The following ATP7B variants were observed in gnomAD, a reference collection of about 807,000 sequenced individuals.
ATP7B encodes copper-transporting ATPase 2.
In ATP7B, 113 loss-of-function variants were observed where a neutral mutation model predicts 118.9. The observed-to-expected ratio is 0.95, with a 90% CI of 0.82 to 1.11. The LOEUF (loss-of-function observed/expected upper bound fraction) is 1.11, where lower values mean the gene tolerates loss of function less well. ATP7B is among the 50% of genes most tolerant of loss of function. The probability of loss-of-function intolerance (pLI) is 0.00; values close to 1 mark genes in which losing one functional copy is unlikely to be tolerated. For synonymous variants in ATP7B, 777 were observed against 727.4 expected, an observed-to-expected ratio of 1.07 and a Z score of -1.10; for missense variants, 1,867 against 1,871.4, an observed-to-expected ratio of 1.00 and a Z score of 0.04.
intron 1 of ATP7B, among the ~76,000 whole-genome samples, chr13:52,004,706 G>C (rs563322400): frequency 2.0e-5 from 3 of 152,174 alleles, no homozygotes; most frequent in African/African-American, 7.2e-5. Flanking sequence ...CACTTACAAA[G>C]TCTTTCCCTC....
In ATP7B at chr13:51,950,354, G is replaced by A. The variant is rs766820642; in HGVS notation, c.2493C>T (p.Val831=). ...GAAACTTTCCCCCAGGGACCACCTT[G>A]ACGATATCGCCCCGCTGCACCAGCT... The part of the protein sequence containing the change: ...PMELVQRGDI[V]KVVPGGKFPV... Residue 831 remains valine (V), a synonymous_variant, in exon 10 of 21, where the codon GTC becomes GTT. Transcript: ENST00000242839. The A allele has an allele frequency of 1.9e-6, 3 of 1,614,134 alleles. No homozygotes were observed. The East Asian group carries it at 6.7e-5, about 36-fold the overall frequency.
chr13:51,992,896 T>G (rs994938494), intron 1 of ATP7B, among the ~76,000 whole-genome samples: 6 of 140,474 alleles, frequency 4.3e-5, no homozygotes, highest in Non-Finnish European at 9.1e-5. Flanking sequence ...GAGAATCACT[T>G]GAACCCAGGA....
At chr13:51,999,931 G>A (rs1210630747) in intron 1 of ATP7B, among the ~76,000 whole-genome samples, 1 of 152,022 alleles carries the variant, frequency 6.6e-6, no homozygotes, top group African/African-American at 2.4e-5. Flanking sequence ...CACTGCCCAA[G>A]GTGACCAGTC....
At chr13:51,964,842 G>A (rs2139765887) in intron 5 of ATP7B, 30 bp downstream of exon 5, 1 of 1,606,382 alleles carries the variant, frequency 6.2e-7, no homozygotes, top group Non-Finnish European at 8.5e-7. Context: ...TTTTAAAAAG[G>A]TGACTACAAT....
rs148211964 is a variant in ATP7B at position 52,008,427 on chromosome 13, T to G, written c.51+2860A>C. On this transcript the variant is annotated intron_variant, in intron 1 of 20. Transcript: ENST00000242839. ...TTGTCCACTGGTGATTGGCACAATC[T>G]CCAGAGGTTGGAGCACGGGGCTGAA... 3.5e-3 allele frequency among the ~76,000 whole-genome samples: 526 copies of G among 152,302 alleles called. 3 individuals are homozygous for G. Among genetic ancestry groups the G allele is most frequent in the African/African-American group, 0.011 (478 of 41,568 alleles).
At chr13:51,939,654 G>C (rs1315299295) in intron 16 of ATP7B, among the ~76,000 whole-genome samples, 1 of 102,166 alleles carries the variant, frequency 9.8e-6, no homozygotes, top group Non-Finnish European at 2.3e-5. Context: ...TTCTCTTTGA[G>C]TGAATCTTAG....
chr13:51,993,066 G>A (rs571370924), intron 1 of ATP7B, among the ~76,000 whole-genome samples: 39 of 149,316 alleles, frequency 2.6e-4, no homozygotes, highest in African/African-American at 9.1e-4. Context: ...AGTAAGAAAT[G>A]CAAAGTATAA....
intron 19 of ATP7B, among the ~76,000 whole-genome samples, chr13:51,936,618 G>C (rs1807284526): frequency 6.6e-6 from 1 of 152,046 alleles, no homozygotes; most frequent in Non-Finnish European, 1.5e-5. Context: ...TCCAACTCCT[G>C]GGCTCAATAA....
upstream of ATP7B, chr13:52,012,087 G>C (rs1954056756): frequency 2.0e-6 from 1 of 506,650 alleles, no homozygotes; most frequent in African/African-American, 1.9e-5. Context: ...GCTTTGGGCC[G>C]GGAACGGGGG....
intron 1 of ATP7B, among the ~76,000 whole-genome samples, chr13:52,005,130 A>G (rs371538347): frequency 6.6e-6 from 1 of 152,334 alleles, no homozygotes; most frequent in East Asian, 1.9e-4. Flanking sequence ...TGGGCCTGTG[A>G]CAGGAGGAGC....
At chr13:51,949,060 G>T (rs185185149) in intron 12 of ATP7B, among the ~76,000 whole-genome samples, 33 of 152,184 alleles carry the variant, frequency 2.2e-4, no homozygotes, top group Admixed American at 1.9e-3. Flanking sequence ...TGTGCCTGTA[G>T]TCCCAGCTAC....
Position 51,932,827 on chromosome 13 carries a change from C to T in ATP7B, c.*1929G>A, listed in dbSNP as rs949137345. 4.6e-5 allele frequency: 7 copies of T among 152,070 alleles called. No individual in the cohort carries two copies. The highest frequency in any genetic ancestry group is 1.3e-4 in the Admixed American group (2 of 15,264). 9.4% of individuals were successfully genotyped at this position (152,070 alleles called of 1,614,324 possible). The stretch of plus-strand genomic sequence containing the variant: ...TTTCCATGTCCATATATGAACACAA[C>T]GTTTATGGTCCTAAAAGTTTTAAAA... On this transcript the variant is annotated 3_prime_UTR_variant, in exon 21 of 21. Coordinates refer to ENST00000242839, the MANE Select transcript of ATP7B (RefSeq NM_000053.4).
At chr13:51,973,640 A>G (rs1431849821) in intron 2 of ATP7B, among the ~76,000 whole-genome samples, 5 of 152,358 alleles carry the variant, frequency 3.3e-5, no homozygotes, top group South Asian at 4.1e-4. Context: ...CTCAGTAACT[A>G]TAAGAAACAA....
At chr13:51,976,974 C>A (rs1425300849) in intron 1 of ATP7B, among the ~76,000 whole-genome samples, 1 of 152,094 alleles carries the variant, frequency 6.6e-6, no homozygotes, top group Non-Finnish European at 1.5e-5. Context: ...TTAGGCTACA[C>A]TAAATTTATA....
intron 1 of ATP7B, among the ~76,000 whole-genome samples, chr13:52,006,940 T>C (rs1413860845): frequency 2.6e-5 from 4 of 152,166 alleles, no homozygotes; most frequent in African/African-American, 2.4e-5. Context: ...TGTCCCAGCA[T>C]GCATCCAGCA....
At chr13:51,961,812 A>G in intron 6 of ATP7B, 25 bp downstream of exon 6, 1 of 1,603,214 alleles carries the variant, frequency 6.2e-7, no homozygotes, top group Non-Finnish European at 8.5e-7. Flanking sequence ...TGAGAGCTGG[A>G]GTTTATCTTT....
intron 9 of ATP7B, among the ~76,000 whole-genome samples, chr13:51,954,869 C>T (rs547477247): frequency 2.6e-5 from 4 of 152,194 alleles, no homozygotes; most frequent in South Asian, 4.2e-4. Context: ...TAACCAAAGA[C>T]GTGGGAGAGT....
intron 5 of ATP7B, among the ~76,000 whole-genome samples, chr13:51,962,590 A>G (rs1446282699): frequency 6.6e-6 from 1 of 152,200 alleles, no homozygotes; most frequent in Non-Finnish European, 1.5e-5. Context: ...ACAAAAATTA[A>G]AAGTTGGGGT....
chr13:51,937,767 T>A, intron 17 of ATP7B, 88 bp from the exon 18 acceptor site: 1 of 1,476,486 alleles, frequency 6.8e-7, no homozygotes. Flanking sequence ...CCCTCTGCCC[T>A]CGGCCTCTGG....
Sources: allele counts gnomAD v4.1 joint callset (sites outside exome capture counted in the v4.1 genomes callset), GRCh38; gene constraint gnomAD v4.1.1; transcripts MANE v1.5; gene names NCBI Gene and HGNC (gene_info 2026-07-23, HGNC 2026-07-21).